SLC2A5: variants seen among roughly 807,000 people sequenced by gnomAD.
SLC2A5 encodes solute carrier family 2 member 5, also known as solute carrier family 2, facilitated glucose transporter member 5.
A neutral mutation model predicts 50.3 loss-of-function variants in SLC2A5; 56 were observed. The ratio of observed to expected loss-of-function variants is 1.11; its 90% CI spans 0.90 to 1.39. The LOEUF (loss-of-function observed/expected upper bound fraction) is 1.39. SLC2A5 is among the 40% of genes most tolerant of loss of function. SLC2A5 has a pLI of 0.00. For synonymous variants in SLC2A5, 269 were observed against 281.9 expected (o/e 0.95, Z 0.46); for missense variants, 566 against 650.1 (o/e 0.87, Z 1.41).
At chr1:9,081,677 T>C (rs1224794890) in intron 2 of SLC2A5, among the ~76,000 whole-genome samples, 1 of 152,030 alleles carries the variant, frequency 6.6e-6, no homozygotes, top group Non-Finnish European at 1.5e-5. Context: ...AAGAAGCACA[T>C]GAAAAGATAC....
upstream of SLC2A5, among the ~76,000 whole-genome samples, chr1:9,072,823 G>A (rs1208013751): frequency 6.8e-6 from 1 of 147,510 alleles, no homozygotes; most frequent in Non-Finnish European, 1.5e-5. Flanking sequence ...TTAGCCGGTC[G>A]TGGTGGTGTG....
rs775472970 is a variant in SLC2A5, at chr1:9,037,775, C to T, written c.1317G>A (p.Pro439=). 44 of 1,614,034 alleles carry T rather than the reference C, an allele frequency of 2.7e-5. No individual in the cohort carries two copies. The highest frequency in any genetic ancestry group is 1.3e-4 in the East Asian group (6 of 44,900). Residue 439 remains proline (P), a synonymous_variant, in exon 12 of 12, where the codon CCG becomes CCA. Coordinates refer to ENST00000377424, the MANE Select transcript of SLC2A5 (RefSeq NM_003039.3). ...TCACGGCGAAGACAATGAAGCTGTA[C>T]GGGCCGAGGCCCTCCTGCGGGAAGA... The part of the protein sequence containing the change: ...IFPFIQEGLG[P]YSFIVFAVIC...
chr1:9,039,517 G>T, intron 8 of SLC2A5, 35 bp downstream of exon 8: 2 of 1,483,310 alleles, frequency 1.3e-6, no homozygotes, highest in East Asian at 2.5e-5. Context: ...GAGGGGCCTT[G>T]GGTGGAGGCT....
intron 2 of SLC2A5, among the ~76,000 whole-genome samples, chr1:9,078,088 G>T (rs1328193443): frequency 2.0e-5 from 3 of 152,158 alleles, no homozygotes; most frequent in Non-Finnish European, 4.4e-5. Context: ...CAGTTCCCCG[G>T]AGCTGAGGGC....
Position 9,037,801 on chromosome 1 carries a change from G to C in SLC2A5, c.1303-12C>G, listed in dbSNP as rs1434562977. On this transcript the variant is annotated splice_polypyrimidine_tract_variant and intron_variant, in intron 11 of 11. Transcript: ENST00000377424. ...GGGCCGAGGCCCTCCTGCGGGAAGA[G>C]GGGCAGGTGACACGTGTGGGACGTG... The C allele has an allele frequency of 1.9e-6, 3 of 1,614,112 alleles. No individual in the cohort carries two copies. Among genetic ancestry groups the C allele is most frequent in the Non-Finnish European group, 2.5e-6 (3 of 1,180,030 alleles).
chr1:9,058,290 G>C, intron 1 of SLC2A5, 40 bp from the exon 2 acceptor site: 1 of 1,416,576 alleles, frequency 7.1e-7, no homozygotes. Flanking sequence ...CAGCCCCAGG[G>C]TTCCAGGGCC....
chr1:9,039,009 G>A, intron 8 of SLC2A5, 80 bp from the exon 9 acceptor site: 1 of 1,526,140 alleles, frequency 6.6e-7, no homozygotes, highest in South Asian at 1.2e-5. Flanking sequence ...GCAGCTGTGA[G>A]GAGAGCTGGG....
chr1:9,088,186 C>T lies in SLC2A5; in HGVS notation c.-188+186G>A, dbSNP rs139435925. Among the ~76,000 whole-genome samples, 10 of 152,020 alleles carry T rather than the reference C, an allele frequency of 6.6e-5. No individual in the cohort carries two copies. In the East Asian group the frequency reaches 1.9e-3, roughly 29 times the overall value. On this transcript the variant is annotated intron_variant, in intron 1 of 5. Transcript: ENST00000464985. ...ATCCCTCTTCTTAATGAAAATCCTC[C>T]CTGGGTTTTTCCTTCCTCTGGAACC...
upstream of SLC2A5, among the ~76,000 whole-genome samples, chr1:9,092,987 T>TACCAGA (rs1642475227): frequency 6.6e-6 from 1 of 152,114 alleles, no homozygotes; most frequent in Admixed American, 6.6e-5. Context: ...CTCAGACCCT[T>TACCAGA]TGTACTCATG....
rs79280727 is a variant in SLC2A5, at chr1:9,047,824, C to T, written c.294-90G>A. The T allele has an allele frequency of 4.1e-5, 57 of 1,384,266 alleles. No individual in the cohort carries two copies. The Admixed American group carries it at 4.9e-4, about 12-fold the overall frequency. 85.7% of individuals were successfully genotyped at this position (1,384,266 alleles called of 1,614,324 possible). ...CTGGAGTGTCTCCTCTGCATAGGCT[C>T]CAGCAGTTACAGCAGCTTTACTGCT... On this transcript the variant is annotated intron_variant, in intron 3 of 11. Transcript: ENST00000377424.
At position 9,081,272 on chromosome 1, in the gene SLC2A5, A is replaced by G. The variant is rs528563075; in HGVS notation, c.-59+3742T>C. ...GAGACCTTGTTTCAGAAAAAAAAAA[A>G]AAAAAAACCCCAAAAAAAAAAAACA... On this transcript the variant is annotated intron_variant, in intron 2 of 5. Coordinates refer to the SLC2A5 transcript ENST00000464985. Among the ~76,000 whole-genome samples, 9 of 145,506 alleles carry G rather than the reference A, an allele frequency of 6.2e-5. 1 individual carries two copies. The South Asian group carries it at 1.9e-3, about 31-fold the overall frequency.
chr1:9,045,004 TC>T lies in SLC2A5; in HGVS notation c.418+2605del, dbSNP rs1397246276. 2.0e-5 allele frequency among the ~76,000 whole-genome samples: 3 copies of T among 152,208 alleles called. No individual in the cohort carries two copies. In the East Asian group the frequency reaches 5.8e-4, roughly 29 times the overall value. The stretch of plus-strand genomic sequence containing the variant: ...AAGCCGTGATCTGAGGACCCAGGGA[TC>T]CCGAGACCTTTTAAGGGTGTCTGTG... On this transcript the variant is annotated intron_variant, in intron 4 of 11. Transcript: ENST00000377424.
In SLC2A5 at chr1:9,039,581, C is replaced by T. The variant is rs1303157185; in HGVS notation, c.967G>A (p.Ala323Thr). 6.3e-7 allele frequency: 1 copy of T among 1,575,652 alleles called. No homozygotes were observed. The highest frequency in any genetic ancestry group is 8.6e-7 in the Non-Finnish European group (1 of 1,161,550). ...CAGAAGGTCATGACCACGTTCACGG[C>T]CCCGGTGCCGGCCGTCACGTACTGC... ...HVQYVTAGTG[A>T]VNVVMTFCAV... The change falls in exon 8 of 12, where the codon GCC becomes ACC. Residue 323 changes from alanine to threonine, a missense_variant. By Grantham distance (58) the Ala-to-Thr change is moderately conservative (BLOSUM62 0). Coordinates refer to ENST00000377424, the MANE Select transcript of SLC2A5 (RefSeq NM_003039.3).
chr1:9,038,763 G>T, intron 9 of SLC2A5, 65 bp downstream of exon 9: 1 of 1,502,816 alleles, frequency 6.7e-7, no homozygotes, highest in Non-Finnish European at 8.9e-7. Context: ...TGGAGGCGCA[G>T]GATGGGAGGG....
At chr1:9,038,248 C>G (rs1160684915) in intron 10 of SLC2A5, among the ~76,000 whole-genome samples, 183 bp downstream of exon 10, 1 of 152,218 alleles carries the variant, frequency 6.6e-6, no homozygotes, top group African/African-American at 2.4e-5. Flanking sequence ...TGTGTTCCCA[C>G]CCACACCACC....
intron 8 of SLC2A5, 116 bp downstream of exon 8, chr1:9,039,436 G>C: frequency 1.4e-6 from 1 of 701,386 alleles, no homozygotes; most frequent in Non-Finnish European, 2.3e-6. Flanking sequence ...TTCTGTAGTA[G>C]CGGCTGGTCC....
rs1432239043 is a variant in SLC2A5 at position 9,058,167 on chromosome 1, G to A, written c.117C>T (p.Val39=). 4 of 1,613,418 alleles carry A rather than the reference G, an allele frequency of 2.5e-6. No individual in the cohort carries two copies. The Admixed American group carries it at 5.0e-5, about 20-fold the overall frequency. ...AGTGACCTACCAGTGCTGGGGAGTT[G>A]ACAGCAGCCACGTTGTACCCATACT... ...SFQYGYNVAA[V]NSPALLMQQF... Residue 39 remains valine, a synonymous_variant, in exon 2 of 12, where the codon GTC becomes GTT. Transcript: ENST00000377424.
rs147655972 is a variant in SLC2A5, at chr1:9,065,925, T to C, written c.33+3579A>G. Among the ~76,000 whole-genome samples, 439 of 151,570 alleles carry C rather than the reference T, an allele frequency of 2.9e-3. 3 individuals are homozygous for C. Among genetic ancestry groups the C allele is most frequent in the African/African-American group, 0.01 (427 of 41,478 alleles). On this transcript the variant is annotated intron_variant, in intron 1 of 11. Transcript: ENST00000377424. The stretch of plus-strand genomic sequence containing the variant: ...TGCCACTGTACTCCTGCCTGGGTGA[T>C]AGAGCCAGACCCTGCCTCAAAAAAA...
chr1:9,084,737 C>T (rs374382671), intron 2 of SLC2A5, among the ~76,000 whole-genome samples: 14 of 152,210 alleles, frequency 9.2e-5, no homozygotes, highest in African/African-American at 3.4e-4. Context: ...ATGTGAGCAT[C>T]GGCCACACCC....
Sources: gnomAD v4.1 joint callset for allele counts (sites outside exome capture counted in the v4.1 genomes callset) on GRCh38, gnomAD v4.1.1 for gene constraint, MANE v1.5 for transcripts, NCBI Gene and HGNC (gene_info 2026-07-23, HGNC 2026-07-21) for gene names.